NFIA: variants seen among roughly 807,000 people sequenced by gnomAD.
NFIA encodes nuclear factor I A.
In NFIA, 8 loss-of-function variants were observed where a neutral mutation model predicts 62.8. The ratio of observed to expected loss-of-function variants is 0.13; its 90% CI spans 0.07 to 0.23. NFIA has a LOEUF of 0.23. NFIA is among the 10% of genes least tolerant of loss of function. The pLI is 1.00. For synonymous variants in NFIA, 235 were observed against 238.1 expected, an observed-to-expected ratio of 0.99 and a Z score of 0.12; for missense variants, 410 against 642.1, an observed-to-expected ratio of 0.64 and a Z score of 3.91.
chr1:61,175,701 A>G (rs1446010530), intron 2 of NFIA, among the ~76,000 whole-genome samples: 7 of 152,228 alleles, frequency 4.6e-5, no homozygotes, highest in Admixed American at 6.5e-5. Context: ...GTCACATGTC[A>G]TAGTCTGTGT....
chr1:61,243,825 A>G (rs1335022188), intron 2 of NFIA, among the ~76,000 whole-genome samples: 1 of 152,214 alleles, frequency 6.6e-6, no homozygotes, highest in Admixed American at 6.5e-5. Context: ...ATGAAAAAGC[A>G]TAGTACTTTT....
chr1:61,147,631 C>G (rs1035139589), intron 2 of NFIA, among the ~76,000 whole-genome samples: 10 of 152,054 alleles, frequency 6.6e-5, no homozygotes, highest in Non-Finnish European at 1.5e-4. Flanking sequence ...CATTTTGCCT[C>G]TTTTTAACAG....
intron 2 of NFIA, among the ~76,000 whole-genome samples, chr1:61,250,307 A>G (rs2275208): frequency 0.074 from 11,333 of 152,290 alleles, 526 homozygotes; most frequent in East Asian, 0.16. Flanking sequence ...TAAGACTTTT[A>G]TAATGTCTAC....
intron 3 of NFIA, among the ~76,000 whole-genome samples, chr1:61,292,145 T>C (rs548208331): frequency 4.6e-5 from 7 of 152,124 alleles, no homozygotes; most frequent in African/African-American, 7.2e-5. Context: ...AATAAACTTA[T>C]CGTTTTTCAA....
intron 7 of NFIA, among the ~76,000 whole-genome samples, chr1:61,386,236 A>G (rs150812974): frequency 0.025 from 3,794 of 152,302 alleles, 60 homozygotes; most frequent in Non-Finnish European, 0.041. Context: ...GAGGAAGAGT[A>G]TAGCTGCAAG....
chr1:61,115,942 T>G (rs2100461428), intron 2 of NFIA, among the ~76,000 whole-genome samples: 1 of 152,250 alleles, frequency 6.6e-6, no homozygotes, highest in East Asian at 1.9e-4. Flanking sequence ...TCCCTGTTCT[T>G]TTTCTTCTTT....
intron 2 of NFIA, among the ~76,000 whole-genome samples, chr1:61,235,829 AAAAG>A (rs1277535378): frequency 2.6e-5 from 4 of 151,828 alleles, no homozygotes; most frequent in African/African-American, 7.3e-5. Flanking sequence ...AAAAAAAAGA[AAAAG>A]AAAAAGAAAG....
At chr1:61,117,499 T>C (rs1646811575) in intron 2 of NFIA, among the ~76,000 whole-genome samples, 1 of 70,168 alleles carries the variant, frequency 1.4e-5, no homozygotes, top group African/African-American at 4.0e-5. Context: ...TGCAATAATG[T>C]TAAGAACAGG....
chr1:61,317,045 CA>C (rs1237027448), intron 3 of NFIA, among the ~76,000 whole-genome samples: 5 of 151,446 alleles, frequency 3.3e-5, no homozygotes, highest in African/African-American at 4.9e-5. Context: ...AACTTTTTTT[CA>C]AAAAAATACT....
intron 2 of NFIA, among the ~76,000 whole-genome samples, chr1:61,220,063 A>G (rs1570403763): frequency 6.6e-6 from 1 of 152,234 alleles, no homozygotes; most frequent in Non-Finnish European, 1.5e-5. Flanking sequence ...ATTTTCCGCC[A>G]ATGATAGGGA....
chr1:61,237,143 T>A (rs1178676155), intron 2 of NFIA, among the ~76,000 whole-genome samples: 1 of 152,172 alleles, frequency 6.6e-6, no homozygotes, highest in African/African-American at 2.4e-5. Context: ...GAATAAATGA[T>A]CAAAGCATTT....
intron 4 of NFIA, among the ~76,000 whole-genome samples, chr1:61,342,717 A>G (rs965089394): frequency 9.2e-5 from 14 of 152,228 alleles, no homozygotes; most frequent in South Asian, 2.1e-4. Context: ...TTATTCTTCT[A>G]TTTAAACGTG....
chr1:61,302,269 T>G (rs1427547144), intron 3 of NFIA, among the ~76,000 whole-genome samples: 1 of 152,188 alleles, frequency 6.6e-6, no homozygotes, highest in Non-Finnish European at 1.5e-5. Flanking sequence ...GTTAAGAAAT[T>G]GTTAAGCTGT....
intron 3 of NFIA, among the ~76,000 whole-genome samples, chr1:61,282,095 G>A (rs2100286688): frequency 6.6e-6 from 1 of 151,960 alleles, no homozygotes; most frequent in East Asian, 1.9e-4. Flanking sequence ...GATATAACTA[G>A]TAGGTCTAGG....
intron 3 of NFIA, among the ~76,000 whole-genome samples, chr1:61,326,406 T>C (rs1660937000): frequency 6.6e-6 from 1 of 152,160 alleles, no homozygotes; most frequent in South Asian, 2.1e-4. Flanking sequence ...TCAGTTTTAG[T>C]TAAACTATAT....
At chr1:61,348,504 TC>T (rs1324838745) in intron 4 of NFIA, among the ~76,000 whole-genome samples, 2 of 152,178 alleles carry the variant, frequency 1.3e-5, no homozygotes, top group African/African-American at 4.8e-5. Context: ...ACATTACAAT[TC>T]CAGTGTACTT....
chr1:61,126,038 G>A (rs1382230713), intron 2 of NFIA, among the ~76,000 whole-genome samples: 1 of 152,108 alleles, frequency 6.6e-6, no homozygotes, highest in Non-Finnish European at 1.5e-5. Context: ...ACTTATGTAT[G>A]AGTGCAGGTT....
chr1:61,112,131 T>C (rs1646703771), intron 2 of NFIA, among the ~76,000 whole-genome samples: 1 of 151,990 alleles, frequency 6.6e-6, no homozygotes, highest in African/African-American at 2.4e-5. Flanking sequence ...AAGATTTTTT[T>C]TTTTTAAAAA....
intron 2 of NFIA, among the ~76,000 whole-genome samples, chr1:61,164,686 T>A (rs1278821915): frequency 6.6e-6 from 1 of 152,102 alleles, no homozygotes; most frequent in Non-Finnish European, 1.5e-5. Context: ...GGTCTCAATC[T>A]CCTGACCTCA....
Sources: gnomAD v4.1 joint callset for allele counts (sites outside exome capture counted in the v4.1 genomes callset) on GRCh38, gnomAD v4.1.1 for gene constraint, MANE v1.5 for transcripts, NCBI Gene and HGNC (gene_info 2026-07-23, HGNC 2026-07-21) for gene names.